SLC7A1: variants seen among roughly 807,000 people sequenced by gnomAD.
SLC7A1 encodes the protein high affinity cationic amino acid transporter 1.
SLC7A1 carries 10 observed loss-of-function variants against 53.9 expected under a neutral mutation model. The ratio of observed to expected loss-of-function variants is 0.19; its 90% confidence interval spans 0.11 to 0.31. The LOEUF is 0.31. SLC7A1 is among the 10% of genes least tolerant of loss of function. SLC7A1 has a pLI of 1.00. For synonymous variants in SLC7A1, 342 were observed against 338.7 expected (o/e 1.01, Z -0.11); for missense variants, 525 against 827.2 (o/e 0.63, Z 4.48).
chr13:29,516,649 C>T (rs891379897), intron 11 of SLC7A1, among the ~76,000 whole-genome samples: 1 of 152,226 alleles, frequency 6.6e-6, no homozygotes, highest in African/African-American at 2.4e-5. Flanking sequence ...GCTTGGAAAA[C>T]TCATGCATCA....
intron 1 of SLC7A1, among the ~76,000 whole-genome samples, chr13:29,580,062 T>C (rs935154028): frequency 1.2e-4 from 19 of 152,132 alleles, no homozygotes; most frequent in Non-Finnish European, 1.8e-4. Context: ...TGACTTCCTG[T>C]TTAGGGCTGG....
At chr13:29,546,163 G>C (rs1006321053) in intron 2 of SLC7A1, among the ~76,000 whole-genome samples, 2 of 152,162 alleles carry the variant, frequency 1.3e-5, no homozygotes, top group South Asian at 4.2e-4. Flanking sequence ...CCACTGCCTC[G>C]CAAGTGCAGC....
intron 1 of SLC7A1, among the ~76,000 whole-genome samples, chr13:29,594,513 A>T (rs1002207210): frequency 6.6e-6 from 1 of 152,260 alleles, no homozygotes; most frequent in Admixed American, 6.5e-5. Flanking sequence ...AGGCTGTTGT[A>T]GTACTACAGT....
intron 1 of SLC7A1, among the ~76,000 whole-genome samples, chr13:29,590,200 T>A (rs1003814875): frequency 1.3e-5 from 2 of 152,134 alleles, no homozygotes; most frequent in Non-Finnish European, 2.9e-5. Context: ...TATGGAGACA[T>A]CCTATCCTAC....
intron 1 of SLC7A1, among the ~76,000 whole-genome samples, chr13:29,594,883 G>A (rs1038141291): frequency 6.6e-6 from 1 of 152,134 alleles, no homozygotes; most frequent in Admixed American, 6.5e-5. Context: ...CACCTGCCGC[G>A]GGACCACCCT....
intron 1 of SLC7A1, among the ~76,000 whole-genome samples, chr13:29,565,366 G>A (rs1167651615): frequency 6.6e-6 from 1 of 152,198 alleles, no homozygotes; most frequent in Non-Finnish European, 1.5e-5. Flanking sequence ...GGCCTGGGGA[G>A]TACTTCAGGG....
At chr13:29,525,222 T>C (rs1164117293) in intron 5 of SLC7A1, among the ~76,000 whole-genome samples, 9 of 152,170 alleles carry the variant, frequency 5.9e-5, no homozygotes, top group Admixed American at 3.3e-4. Flanking sequence ...CGAAAAGCAA[T>C]TGCACTCCTT....
intron 1 of SLC7A1, among the ~76,000 whole-genome samples, chr13:29,580,009 C>G (rs1278331594): frequency 6.6e-6 from 1 of 152,198 alleles, no homozygotes; most frequent in Non-Finnish European, 1.5e-5. Context: ...GGTCACCAAA[C>G]TGCTCAGAGC....
intron 1 of SLC7A1, among the ~76,000 whole-genome samples, chr13:29,584,520 T>C (rs1291676727): frequency 2.0e-5 from 3 of 152,230 alleles, no homozygotes; most frequent in African/African-American, 7.2e-5. Context: ...AACAAATTTA[T>C]TTTTATTGAG....
At chr13:29,567,046 T>C (rs1335327064) in intron 1 of SLC7A1, among the ~76,000 whole-genome samples, 1 of 152,258 alleles carries the variant, frequency 6.6e-6, no homozygotes, top group Non-Finnish European at 1.5e-5. Flanking sequence ...ACCGTCATTC[T>C]GCTTTGAGAG....
At chr13:29,560,569 C>T (rs971250677) in intron 1 of SLC7A1, among the ~76,000 whole-genome samples, 4 of 151,698 alleles carry the variant, frequency 2.6e-5, no homozygotes, top group African/African-American at 7.3e-5. Context: ...CATTTATTAT[C>T]AAGGATTATG....
At chr13:29,537,642 C>T (rs577508625) in intron 2 of SLC7A1, among the ~76,000 whole-genome samples, 82 of 152,326 alleles carry the variant, frequency 5.4e-4, no homozygotes, top group Non-Finnish European at 9.7e-4. Context: ...GTGAGGGGCA[C>T]ATGCAAGCTC....
At chr13:29,559,948 C>G (rs1367313394) in intron 1 of SLC7A1, among the ~76,000 whole-genome samples, 2 of 152,140 alleles carry the variant, frequency 1.3e-5, no homozygotes, top group Non-Finnish European at 2.9e-5. Context: ...ATCTCCTGAC[C>G]TTGTGATCCG....
rs1192715664 is a variant in SLC7A1 at position 29,510,031 on chromosome 13, T to C, written c.*4449A>G. 1 of 152,628 alleles carries C rather than the reference T, an allele frequency of 6.6e-6. No individual in the cohort carries two copies. The highest frequency in any genetic ancestry group is 2.4e-5 in the African/African-American group (1 of 41,450). The allele number at this position is 152,628 out of a possible 1,614,324, so 9.5% of individuals were successfully genotyped here. A position where few individuals can be genotyped will look rare whatever the true frequency, so the allele number is the denominator to read the frequency against. On this transcript the variant is annotated 3_prime_UTR_variant, in exon 13 of 13. Coordinates refer to ENST00000380752, the MANE Select transcript of SLC7A1 (RefSeq NM_003045.5). ...ATTTGCCTTGTTAATAAATTAACAG[T>C]CTGAGTGCATCTTTCCATCCTGCTT...
intron 2 of SLC7A1, among the ~76,000 whole-genome samples, chr13:29,548,966 C>T (rs1488987709): frequency 6.6e-6 from 1 of 152,206 alleles, no homozygotes; most frequent in Non-Finnish European, 1.5e-5. Context: ...ACCAGAATTT[C>T]AGACACTCAC....
At chr13:29,556,422 C>T (rs530561674) in intron 1 of SLC7A1, among the ~76,000 whole-genome samples, 2 of 152,100 alleles carry the variant, frequency 1.3e-5, no homozygotes, top group South Asian at 4.2e-4. Context: ...GTCACTCAGG[C>T]GACAGAATGC....
chr13:29,525,259 C>A (rs1271800188), intron 5 of SLC7A1, among the ~76,000 whole-genome samples: 2 of 152,242 alleles, frequency 1.3e-5, no homozygotes, highest in African/African-American at 4.8e-5. Context: ...AGTCCCTACT[C>A]CCACACCTTT....
At chr13:29,588,107 C>T (rs34578457) in intron 1 of SLC7A1, among the ~76,000 whole-genome samples, 1 of 152,160 alleles carries the variant, frequency 6.6e-6, no homozygotes, top group Non-Finnish European at 1.5e-5. Context: ...GAAAATCACA[C>T]CTCTTTTGAA....
chr13:29,553,346 G>A (rs1481665611), intron 2 of SLC7A1, among the ~76,000 whole-genome samples: 1 of 152,204 alleles, frequency 6.6e-6, no homozygotes, highest in Non-Finnish European at 1.5e-5. Context: ...CCCAGGAGCT[G>A]GGTGGCACAC....
Sources: allele counts gnomAD v4.1 joint callset (sites outside exome capture counted in the v4.1 genomes callset), GRCh38; gene constraint gnomAD v4.1.1; transcripts MANE v1.5; gene names NCBI Gene and HGNC (gene_info 2026-07-23, HGNC 2026-07-21).